The following EDIL3 variants were observed in gnomAD, a reference collection of about 807,000 sequenced individuals.
EDIL3 encodes the protein EGF like and discoidin domains 3.
In EDIL3, 37 loss-of-function variants were observed where a neutral mutation model predicts 67.4. The observed-to-expected ratio is 0.55, with a 90% CI of 0.42 to 0.72. The LOEUF (loss-of-function observed/expected upper bound fraction) is 0.72, where lower values mean the gene tolerates loss of function less well. EDIL3 is among the 30% of genes least tolerant of loss of function. EDIL3 has a pLI of 0.00. For missense variants in EDIL3, 527 were observed against 586.3 expected (o/e 0.90, Z 1.04); for synonymous variants, 195 against 196.3 (o/e 0.99, Z 0.05).
chr5:84,290,805 G>A, intron 1 of EDIL3, among the ~76,000 whole-genome samples: 1 of 152,108 alleles, frequency 6.6e-6, no homozygotes, highest in East Asian at 1.9e-4. Flanking sequence ...TAAACTCTAC[G>A]ATTTTCTCCT....
chr5:84,209,968 T>C (rs1744081705), intron 3 of EDIL3, among the ~76,000 whole-genome samples: 1 of 152,228 alleles, frequency 6.6e-6, no homozygotes, highest in African/African-American at 2.4e-5. Flanking sequence ...TAGACTTGTG[T>C]CAAAGCACAT....
chr5:84,358,440 T>C (rs1366189806), intron 1 of EDIL3, among the ~76,000 whole-genome samples: 1 of 152,086 alleles, frequency 6.6e-6, no homozygotes, highest in Non-Finnish European at 1.5e-5. Context: ...AGAACCTAAA[T>C]GGTGGTGGAT....
chr5:84,323,230 T>C (rs1446658547), intron 1 of EDIL3, among the ~76,000 whole-genome samples: 1 of 152,076 alleles, frequency 6.6e-6, no homozygotes, highest in Non-Finnish European at 1.5e-5. Flanking sequence ...TATCAGTGTA[T>C]GTTTTGGGGC....
In EDIL3 at chr5:84,254,123, C is replaced by T; in HGVS notation, c.157G>A (p.Gly53Ser). 6.2e-7 allele frequency: 1 copy of T among 1,612,752 alleles called. No individual in the cohort carries two copies. Among genetic ancestry groups the T allele is most frequent in the Non-Finnish European group, 8.5e-7 (1 of 1,179,324 alleles). Residue 53 changes from glycine (G) to serine (S), a missense_variant, in exon 2 of 11, where the codon GGC (glycine) becomes AGC (serine). Around this residue, in one of 2 missense-constraint regions of EDIL3, gnomAD observed 494 missense variants for 522.5 expected, o/e 0.95. Coordinates refer to ENST00000296591, the MANE Select transcript of EDIL3 (RefSeq NM_005711.5). Reference sequence around the variant, plus strand: ...CTAGAACAGTTGGGGTCTGTGAAGCCATCTGGACACTCACAGGAAAAGGAA... The same window carrying T: ...CTAGAACAGTTGGGGTCTGTGAAGCTATCTGGACACTCACAGGAAAAGGAA... ...DGSFSCECPD[G>S]FTDPNCSSVV... is the part of the protein sequence containing the mutation.
chr5:84,216,397 TAACAA>T (rs1263056165), intron 3 of EDIL3, among the ~76,000 whole-genome samples: 1 of 152,180 alleles, frequency 6.6e-6, no homozygotes, highest in East Asian at 1.9e-4. Context: ...AATATATGCA[TAACAA>T]AAAAGTTGAA....
intron 1 of EDIL3, among the ~76,000 whole-genome samples, chr5:84,345,693 C>T (rs1747223046): frequency 6.6e-6 from 1 of 151,936 alleles, no homozygotes; most frequent in African/African-American, 2.4e-5. Context: ...GAACAGATGC[C>T]AGGAAAAAGT....
In EDIL3 at chr5:83,947,156, C is replaced by T. The variant is rs115299593; in HGVS notation, c.1294-3588G>A. Among the ~76,000 whole-genome samples, 526 of 151,890 alleles carry T rather than the reference C, an allele frequency of 3.5e-3. 3 individuals are homozygous for T. Among genetic ancestry groups the T allele is most frequent in the African/African-American group, 0.012 (493 of 41,474 alleles). On this transcript the variant is annotated intron_variant, in intron 10 of 10. Coordinates refer to ENST00000296591, the MANE Select transcript of EDIL3 (RefSeq NM_005711.5). Reference sequence around the variant, plus strand: ...TGCTATTTGGAGACTATAGTCGAACCGCATCTGGGATTTCAGATATTGTGG... The same window carrying T: ...TGCTATTTGGAGACTATAGTCGAACTGCATCTGGGATTTCAGATATTGTGG...
At chr5:84,221,632 C>A (rs963045096) in intron 3 of EDIL3, among the ~76,000 whole-genome samples, 2 of 152,002 alleles carry the variant, frequency 1.3e-5, no homozygotes, top group Admixed American at 1.3e-4. Flanking sequence ...AAAGCCACAT[C>A]TTTAGAAGCA....
intron 1 of EDIL3, among the ~76,000 whole-genome samples, 166 bp downstream of exon 1, chr5:84,384,142 A>ACAAG (rs1561276028): frequency 6.6e-6 from 1 of 151,524 alleles, no homozygotes. Context: ...CTCAGACTTT[A>ACAAG]CAAGCACTTT....
chr5:84,124,381 G>T (rs1230367689), intron 5 of EDIL3, among the ~76,000 whole-genome samples: 1 of 151,800 alleles, frequency 6.6e-6, no homozygotes, highest in East Asian at 1.9e-4. Flanking sequence ...TTAATTTTGT[G>T]GTTCCCAAGT....
intron 1 of EDIL3, among the ~76,000 whole-genome samples, chr5:84,259,685 A>G (rs566283207): frequency 6.6e-6 from 1 of 152,286 alleles, no homozygotes; most frequent in African/African-American, 2.4e-5. Context: ...GCATGAAATC[A>G]ACATTGTCTT....
chr5:83,981,878 G>A (rs1225417560), intron 9 of EDIL3, among the ~76,000 whole-genome samples: 1 of 151,848 alleles, frequency 6.6e-6, no homozygotes, highest in African/African-American at 2.4e-5. Context: ...AATTCATTTT[G>A]TATTACTTGT....
intron 1 of EDIL3, among the ~76,000 whole-genome samples, chr5:84,379,104 T>C (rs1748027139): frequency 6.6e-6 from 1 of 152,098 alleles, no homozygotes; most frequent in Non-Finnish European, 1.5e-5. Context: ...ACAGAAAGAA[T>C]GCCACTGGAA....
chr5:84,116,619 T>G (rs1487559480), intron 5 of EDIL3, among the ~76,000 whole-genome samples: 7 of 152,212 alleles, frequency 4.6e-5, no homozygotes, highest in Admixed American at 4.6e-4. Flanking sequence ...CTTGATAATA[T>G]GTATTTACTA....
At chr5:84,316,732 C>G (rs1045093033) in intron 1 of EDIL3, among the ~76,000 whole-genome samples, 3 of 152,016 alleles carry the variant, frequency 2.0e-5, no homozygotes, top group Non-Finnish European at 4.4e-5. Flanking sequence ...ATATCCAGGG[C>G]TTGAACTCAG....
intron 9 of EDIL3, among the ~76,000 whole-genome samples, chr5:84,041,871 C>T (rs914946663): frequency 6.6e-6 from 1 of 152,002 alleles, no homozygotes; most frequent in Admixed American, 6.6e-5. Context: ...GGGATTAAAA[C>T]CCTACAGTGC....
chr5:84,228,560 A>G (rs140671352), intron 3 of EDIL3, among the ~76,000 whole-genome samples: 1 of 152,268 alleles, frequency 6.6e-6, no homozygotes, highest in African/African-American at 2.4e-5. Context: ...ATCAGGCTAT[A>G]GACTATCTAA....
At chr5:83,965,443 T>C (rs2112131960) in intron 9 of EDIL3, among the ~76,000 whole-genome samples, 1 of 152,128 alleles carries the variant, frequency 6.6e-6, no homozygotes, top group East Asian at 1.9e-4. Flanking sequence ...TTAATGTTGC[T>C]GGCACTCAAT....
At chr5:83,961,599 A>G (rs1744608760) in intron 10 of EDIL3, among the ~76,000 whole-genome samples, 1 of 151,254 alleles carries the variant, frequency 6.6e-6, no homozygotes, top group Admixed American at 6.6e-5. Context: ...CTGTTTACTG[A>G]ATCTTACACA....
Sources: allele counts gnomAD v4.1 joint callset (sites outside exome capture counted in the v4.1 genomes callset), GRCh38; gene constraint gnomAD v4.1.1; regional missense constraint gnomAD v4.1.1; transcripts MANE v1.5; gene names NCBI Gene and HGNC (gene_info 2026-07-23, HGNC 2026-07-21).